Variants in NEK7 observed in about 807,000 individuals in gnomAD.
The protein encoded by NEK7 is NIMA related kinase 7.
A neutral mutation model predicts 44.6 loss-of-function variants in NEK7; 18 were observed. The observed-to-expected ratio is 0.40, with a 90% confidence interval of 0.28 to 0.60. The LOEUF is 0.60. Among genes scored for constraint, NEK7 ranks in the 20% least tolerant of loss-of-function variants. The pLI is 0.38. For missense variants in NEK7, 256 were observed against 366.5 expected, an observed-to-expected ratio of 0.70 and a Z score of 2.46; for synonymous variants, 130 against 121.1, an observed-to-expected ratio of 1.07 and a Z score of -0.48.
intron 2 of NEK7, among the ~76,000 whole-genome samples, 181 bp from the exon 3 acceptor site, chr1:198,252,859 T>C (rs1345923662): frequency 6.6e-6 from 1 of 151,988 alleles, no homozygotes; most frequent in Non-Finnish European, 1.5e-5. Context: ...TCTAGTCTGC[T>C]ACTGTATCGT....
intron 3 of NEK7, among the ~76,000 whole-genome samples, chr1:198,261,053 C>T (rs762658929): frequency 7.9e-5 from 12 of 151,880 alleles, no homozygotes; most frequent in Non-Finnish European, 1.5e-4. Flanking sequence ...TAATTTTACA[C>T]CCTTATTCCA....
chr1:198,227,682 T>C (rs572806743), intron 1 of NEK7, among the ~76,000 whole-genome samples: 2 of 152,388 alleles, frequency 1.3e-5, no homozygotes, highest in Admixed American at 1.3e-4. Context: ...GAGAAGTGTC[T>C]GTTCATATCC....
At chr1:198,256,328 G>A in intron 3 of NEK7, 2 of 1,602,058 alleles carry the variant, frequency 1.2e-6, no homozygotes, top group Non-Finnish European at 1.7e-6. Flanking sequence ...TTTCCTGCAG[G>A]TTTGCCTGTT....
At chr1:198,314,704 A>G (rs549718993) in intron 9 of NEK7, among the ~76,000 whole-genome samples, 2 of 152,302 alleles carry the variant, frequency 1.3e-5, no homozygotes, top group South Asian at 4.1e-4. Flanking sequence ...GTGAGGTGTC[A>G]GTATGCCCCT....
At chr1:198,276,053 T>C (rs528882063) in intron 5 of NEK7, among the ~76,000 whole-genome samples, 1 of 151,786 alleles carries the variant, frequency 6.6e-6, no homozygotes, top group South Asian at 2.1e-4. Flanking sequence ...AGTAGTAGTA[T>C]ATTGAATTCA....
intron 1 of NEK7, among the ~76,000 whole-genome samples, chr1:198,185,668 T>TC (rs1214886160): frequency 6.6e-6 from 1 of 152,170 alleles, no homozygotes; most frequent in Non-Finnish European, 1.5e-5. Flanking sequence ...AAACAGTACC[T>TC]CCCATCTATA....
chr1:198,296,470 T>A (rs1175924548), intron 8 of NEK7, among the ~76,000 whole-genome samples: 1 of 152,180 alleles, frequency 6.6e-6, no homozygotes, highest in African/African-American at 2.4e-5. Context: ...TGGGTCGTGT[T>A]TTTCTGCATA....
intron 1 of NEK7, among the ~76,000 whole-genome samples, chr1:198,226,030 G>A (rs190019629): frequency 4.8e-4 from 73 of 152,174 alleles, no homozygotes; most frequent in Admixed American, 2.0e-4. Flanking sequence ...GTAAGCACTG[G>A]TGATACAGCT....
intron 1 of NEK7, chr1:198,208,504 G>GTACCACA (rs1665662560): frequency 2.6e-5 from 4 of 152,134 alleles, no homozygotes; most frequent in African/African-American, 9.7e-5. Context: ...AGCCTCCTGA[G>GTACCACA]GAGCTGGGAC....
In NEK7 at chr1:198,199,791, A is replaced by G. The variant is rs186444871; in HGVS notation, c.-28-32762A>G. 2.9e-4 allele frequency among the ~76,000 whole-genome samples: 44 copies of G among 151,836 alleles called. No individual in the cohort carries two copies. In the East Asian group the frequency reaches 8.3e-3, roughly 29 times the overall value. The stretch of plus-strand genomic sequence containing the variant: ...AGTGTCCACATAGTGTTTCTTTTTC[A>G]TCTTTCAAAAAATGTTTTTATGTTC... On this transcript the variant is annotated intron_variant, in intron 1 of 9. Transcript: ENST00000367385.
rs7531937 is a variant in NEK7, at chr1:198,243,791, A to G, written c.58-9249A>G. Among the ~76,000 whole-genome samples, 634 of 152,286 alleles carry G rather than the reference A, an allele frequency of 4.2e-3. 4 individuals carry two copies. Among genetic ancestry groups the G allele is most frequent in the African/African-American group, 0.014 (589 of 41,556 alleles). On this transcript the variant is annotated intron_variant, in intron 2 of 9. Coordinates refer to ENST00000367385, the MANE Select transcript of NEK7 (RefSeq NM_133494.3). ...TCTGACACTTAACGAAACTTTAGGA[A>G]TAGGTTACATTTGACATTTGACATA...
chr1:198,315,297 C>T (rs144956213), intron 9 of NEK7, among the ~76,000 whole-genome samples: 12,520 of 152,200 alleles, frequency 0.082, 675 homozygotes, highest in East Asian at 0.17. Flanking sequence ...CTTCGGCTCG[C>T]GCATGGTGCG....
At chr1:198,309,679 T>G (rs1655115789) in intron 9 of NEK7, among the ~76,000 whole-genome samples, 1 of 148,750 alleles carries the variant, frequency 6.7e-6, no homozygotes, top group Non-Finnish European at 1.5e-5. Context: ...CACCTATGAG[T>G]GAGAATATGC....
chr1:198,256,529 G>T, intron 3 of NEK7: 1 of 1,501,978 alleles, frequency 6.7e-7, no homozygotes, highest in Middle Eastern at 2.4e-4. Context: ...GAAATTCTCT[G>T]TACCAACTTT....
chr1:198,302,539 T>C (rs1654920379), intron 9 of NEK7, among the ~76,000 whole-genome samples: 1 of 152,122 alleles, frequency 6.6e-6, no homozygotes, highest in African/African-American at 2.4e-5. Flanking sequence ...TTTTCTGGAG[T>C]ATTTAAAATG....
chr1:198,305,079 T>A (rs926905837), intron 9 of NEK7, among the ~76,000 whole-genome samples: 1 of 142,544 alleles, frequency 7.0e-6, no homozygotes. Flanking sequence ...AAACTAAATT[T>A]TCTGAGATAA....
intron 5 of NEK7, among the ~76,000 whole-genome samples, chr1:198,267,965 T>C (rs1247372369): frequency 6.6e-6 from 1 of 152,000 alleles, no homozygotes; most frequent in African/African-American, 2.4e-5. Flanking sequence ...TTCTGCTTGA[T>C]TTCTCAGCAG....
At position 198,199,148 on chromosome 1, in the gene NEK7, G is replaced by A. The variant is rs377670450; in HGVS notation, c.-28-33405G>A. On this transcript the variant is annotated intron_variant, in intron 1 of 9. Coordinates refer to ENST00000367385, the MANE Select transcript of NEK7 (RefSeq NM_133494.3). ...GAGATCTGCATATATGGTGTTTATT[G>A]TATAATGCTTTTGGGAAGAGCACCA... Among the ~76,000 whole-genome samples the A allele has an allele frequency of 9.2e-5, 14 of 152,346 alleles. No individual in the cohort carries two copies. In the South Asian group the frequency reaches 2.9e-3, roughly 32 times the overall value.
At chr1:198,201,959 G>T (rs564430349) in intron 1 of NEK7, among the ~76,000 whole-genome samples, 5 of 152,330 alleles carry the variant, frequency 3.3e-5, no homozygotes, top group Admixed American at 3.3e-4. Flanking sequence ...TTAATAAACT[G>T]TGTGGCAATC....
Sources: gnomAD v4.1 joint callset for allele counts (sites outside exome capture counted in the v4.1 genomes callset) on GRCh38, gnomAD v4.1.1 for gene constraint, MANE v1.5 for transcripts, NCBI Gene and HGNC (gene_info 2026-07-23, HGNC 2026-07-21) for gene names.